Variants in SH3KBP1 observed in about 807,000 individuals in gnomAD.
SH3KBP1 encodes the protein SH3 domain-containing kinase-binding protein 1.
SH3KBP1 carries 8 observed loss-of-function variants against 50.1 expected under a neutral mutation model. The observed-to-expected ratio is 0.16, with a 90% confidence interval of 0.09 to 0.29. The LOEUF (loss-of-function observed/expected upper bound fraction) is 0.29, where lower values mean the gene tolerates loss of function less well. SH3KBP1 is among the 10% of genes least tolerant of loss of function. The probability of loss-of-function intolerance (pLI) is 1.00; values close to 1 mark genes in which losing one functional copy is unlikely to be tolerated. For synonymous variants in SH3KBP1, 227 were observed against 218.6 expected (o/e 1.04, Z -0.34); for missense variants, 377 against 535.2 (o/e 0.70, Z 2.92).
chrX:19,844,287 A>G (rs1350406836), intron 1 of SH3KBP1, among the ~76,000 whole-genome samples: 1 of 111,716 alleles, frequency 9.0e-6, no homozygotes, highest in African/African-American at 3.3e-5. Context: ...GGTGTCTGGC[A>G]CAAAGTAGGT....
intron 2 of SH3KBP1, among the ~76,000 whole-genome samples, chrX:19,816,874 T>C (rs62589439): frequency 0.021 from 2,315 of 112,124 alleles, 30 homozygotes; most frequent in African/African-American, 0.043. Flanking sequence ...TGTTTGCCTA[T>C]GTTTAATTCT....
intron 2 of SH3KBP1, among the ~76,000 whole-genome samples, chrX:19,790,104 C>T (rs1603244601): frequency 1.0e-5 from 1 of 98,747 alleles, no homozygotes; most frequent in South Asian, 4.9e-4. Context: ...CAGGACACTT[C>T]AGGCCGACTC....
At chrX:19,586,014 C>T (rs146912155) in intron 12 of SH3KBP1, among the ~76,000 whole-genome samples, 163 of 112,116 alleles carry the variant, frequency 1.5e-3, no homozygotes, top group African/African-American at 4.7e-3. Flanking sequence ...TCAGATGGCA[C>T]GCACTGTTAA....
intron 6 of SH3KBP1, chrX:19,683,266 G>GTT: frequency 2.8e-6 from 1 of 355,172 alleles, no homozygotes; most frequent in South Asian, 2.5e-5. Flanking sequence ...GAAGGAAACA[G>GTT]CCAGCTTCCT....
At chrX:19,633,004 T>C (rs73459621) in intron 7 of SH3KBP1, among the ~76,000 whole-genome samples, 2,641 of 112,243 alleles carry the variant, frequency 0.024, 73 homozygotes, top group African/African-American at 0.081. Flanking sequence ...GGTAACCTCT[T>C]GATGACAATT....
At chrX:19,702,478 A>C (rs2063554049) in intron 4 of SH3KBP1, among the ~76,000 whole-genome samples, 1 of 111,356 alleles carries the variant, frequency 9.0e-6, no homozygotes, top group Non-Finnish European at 1.9e-5. Flanking sequence ...ACTGGGGGCC[A>C]CTGAGAAACA....
intron 2 of SH3KBP1, among the ~76,000 whole-genome samples, chrX:19,767,609 A>G (rs779258964): frequency 1.8e-5 from 2 of 110,253 alleles, no homozygotes; most frequent in African/African-American, 3.3e-5. Flanking sequence ...CACCCTCATC[A>G]CTCAGTACCA....
intron 6 of SH3KBP1, among the ~76,000 whole-genome samples, chrX:19,682,979 G>A (rs1412044277): frequency 7.3e-5 from 8 of 109,601 alleles, no homozygotes; most frequent in Middle Eastern, 4.2e-3. Context: ...CCAATACCCC[G>A]TCCCCCAAAT....
intron 12 of SH3KBP1, chrX:19,588,394 T>C (rs935829967): frequency 2.7e-6 from 3 of 1,106,317 alleles, no homozygotes; most frequent in African/African-American, 3.7e-5. Context: ...AGGGCCTAAA[T>C]GCTGGGTACC....
intron 3 of SH3KBP1, among the ~76,000 whole-genome samples, chrX:19,742,881 A>G (rs1209879403): frequency 8.9e-6 from 1 of 112,166 alleles, no homozygotes; most frequent in Admixed American, 9.5e-5. Flanking sequence ...CAGAACATAC[A>G]ACATCCATGC....
At chrX:19,717,675 G>A (rs1243254769) in intron 3 of SH3KBP1, among the ~76,000 whole-genome samples, 2 of 111,701 alleles carry the variant, frequency 1.8e-5, no homozygotes, top group East Asian at 2.8e-4. Context: ...TTGGTGTGTC[G>A]AAGTTGGTCA....
chrX:19,625,405 A>G (rs1322254991), intron 8 of SH3KBP1, among the ~76,000 whole-genome samples: 1 of 110,965 alleles, frequency 9.0e-6, no homozygotes, highest in African/African-American at 3.3e-5. Flanking sequence ...AGGAAGGCAA[A>G]ATACTCTGGG....
In SH3KBP1 at chrX:19,876,919, T is replaced by G. The variant is rs187145024; in HGVS notation, c.4+10388A>C. 8.0e-5 allele frequency among the ~76,000 whole-genome samples: 9 copies of G among 111,869 alleles called. No individual in the cohort carries two copies. In the East Asian group the frequency reaches 2.5e-3, roughly 31 times the overall value. ...GTGAACTGCTTCCCCCTTTCCAATT[T>G]TTTCTTCAATTGGTGAAATCTTCCA... On this transcript the variant is annotated intron_variant, in intron 1 of 17. Transcript: ENST00000397821.
In SH3KBP1 at chrX:19,591,952, T is replaced by A. The variant is rs762020380; in HGVS notation, c.1138+115A>T. Reference sequence around the variant, plus strand: ...TGTAAAAGCAATCAAAACAAAACCATGATCACCATATTCCAAAGGAAAAGC... The same window carrying A: ...TGTAAAAGCAATCAAAACAAAACCAAGATCACCATATTCCAAAGGAAAAGC... On this transcript the variant is annotated intron_variant, in intron 11 of 17. Transcript: ENST00000397821. 8.4e-6 allele frequency: 5 copies of A among 593,750 alleles called. No homozygotes were observed. In the African/African-American group the frequency reaches 8.9e-5, roughly 11 times the overall value. The allele number at this position is 593,750 out of a possible 1,213,427, so 48.9% of individuals were successfully genotyped here.
intron 12 of SH3KBP1, among the ~76,000 whole-genome samples, chrX:19,572,368 CAT>C (rs1172266661): frequency 3.1e-4 from 30 of 97,063 alleles, no homozygotes; most frequent in Non-Finnish European, 4.3e-4. Flanking sequence ...ATATATAGTA[CAT>C]ATATGTTATA....
At chrX:19,700,189 G>A (rs1381045080) in intron 4 of SH3KBP1, among the ~76,000 whole-genome samples, 1 of 111,174 alleles carries the variant, frequency 9.0e-6, no homozygotes, top group African/African-American at 3.3e-5. Flanking sequence ...ACACATCAAA[G>A]TCTAAGGAAA....
chrX:19,761,255 GGA>G (rs772984496), intron 2 of SH3KBP1, among the ~76,000 whole-genome samples: 2 of 87,601 alleles, frequency 2.3e-5, no homozygotes, highest in African/African-American at 4.2e-5. Flanking sequence ...AGAGAGGGAG[GGA>G]GAGAGAGAGA....
rs1569404828 is a variant in SH3KBP1 at position 19,668,957 on chromosome X, TATATATATATATATATA to T, written c.726+14849_726+14865del. 8.1e-4 allele frequency among the ~76,000 whole-genome samples: 64 copies of T among 78,578 alleles called. 1 individual carries two copies. Among genetic ancestry groups the T allele is most frequent in the African/African-American group, 2.7e-3 (60 of 22,606 alleles). The allele number at this position is 78,578 out of a possible 115,157, so 68.2% of individuals were successfully genotyped here. ...GGTAATATATATATATATATATATA[TATATATATATATATATA>T]TTTTTTGAGACAGGCTGTCACTCTG... On this transcript the variant is annotated intron_variant, in intron 6 of 17. Coordinates refer to ENST00000397821, the MANE Select transcript of SH3KBP1 (RefSeq NM_031892.3).
At chrX:19,591,293 C>T (rs981593449) in intron 11 of SH3KBP1, among the ~76,000 whole-genome samples, 4 of 111,853 alleles carry the variant, frequency 3.6e-5, no homozygotes, top group Non-Finnish European at 7.5e-5. Context: ...GCCTCCTGTT[C>T]GTAATAACAT....
Sources: gnomAD v4.1 joint callset for allele counts (sites outside exome capture counted in the v4.1 genomes callset) on GRCh38, gnomAD v4.1.1 for gene constraint, MANE v1.5 for transcripts, NCBI Gene and HGNC (gene_info 2026-07-23, HGNC 2026-07-21) for gene names.